EEF2K: variants seen among roughly 807,000 people sequenced by gnomAD.
EEF2K encodes eukaryotic elongation factor 2 kinase.
In EEF2K, 70 loss-of-function variants were observed where a neutral mutation model predicts 93.8. The ratio of observed to expected loss-of-function variants is 0.75; its 90% CI spans 0.62 to 0.91. The LOEUF (loss-of-function observed/expected upper bound fraction) is 0.91, where lower values mean the gene tolerates loss of function less well. Ranked by LOEUF, EEF2K falls within the 40% of genes least tolerant of loss-of-function variation. The probability of loss-of-function intolerance (pLI) is 0.00; values close to 1 mark genes in which losing one functional copy is unlikely to be tolerated. For missense variants in EEF2K, 935 were observed against 972.9 expected, an observed-to-expected ratio of 0.96 and a Z score of 0.52; for synonymous variants, 376 against 380.8, an observed-to-expected ratio of 0.99 and a Z score of 0.15.
At chr16:22,221,302 C>T (rs1035845467) in intron 1 of EEF2K, among the ~76,000 whole-genome samples, 2 of 151,990 alleles carry the variant, frequency 1.3e-5, no homozygotes, top group Non-Finnish European at 2.9e-5. Context: ...GCCTGGCCAA[C>T]ATAGTGAGAC....
At chr16:22,282,928 T>A (rs1444470554) in intron 17 of EEF2K, among the ~76,000 whole-genome samples, 12 of 152,222 alleles carry the variant, frequency 7.9e-5, no homozygotes, top group Admixed American at 3.3e-4. Flanking sequence ...TAACATATAA[T>A]AAACATACTA....
In EEF2K at chr16:22,284,084, G is replaced by A; in HGVS notation, c.*88G>A. 1 of 1,182,558 alleles carries A rather than the reference G, an allele frequency of 8.5e-7. No homozygotes were observed. Among genetic ancestry groups the A allele is most frequent in the Non-Finnish European group, 1.2e-6 (1 of 834,776 alleles). The allele number at this position is 1,182,558 out of a possible 1,614,324, so 73.3% of individuals were successfully genotyped here. A position where few individuals can be genotyped will look rare whatever the true frequency, so the allele number is the denominator to read the frequency against. ...ACAACAACAACTTATTTAGTTTGGG[G>A]AGGGGAAGCATTTTTAAGTGTGTTG... On this transcript the variant is annotated 3_prime_UTR_variant, in exon 18 of 18. Coordinates refer to ENST00000263026, the MANE Select transcript of EEF2K (RefSeq NM_013302.5).
intron 2 of EEF2K, among the ~76,000 whole-genome samples, chr16:22,235,324 G>C (rs942313590): frequency 6.6e-6 from 1 of 151,112 alleles, no homozygotes; most frequent in African/African-American, 2.4e-5. Context: ...TGCTACTGTA[G>C]AATCATGCTA....
intron 17 of EEF2K, 91 bp downstream of exon 17, chr16:22,280,467 A>G (rs1446204169): frequency 7.8e-7 from 1 of 1,280,886 alleles, no homozygotes; most frequent in Non-Finnish European, 1.0e-6. Context: ...TTATGACAAG[A>G]TGACAGGCTG....
chr16:22,223,430 C>G (rs1264123247), intron 1 of EEF2K, among the ~76,000 whole-genome samples: 2 of 152,116 alleles, frequency 1.3e-5, no homozygotes, highest in African/African-American at 4.8e-5. Flanking sequence ...AGGCATGCAC[C>G]ACCACGCCTG....
At chr16:22,208,995 A>G (rs1221886785) in intron 1 of EEF2K, among the ~76,000 whole-genome samples, 1 of 152,126 alleles carries the variant, frequency 6.6e-6, no homozygotes, top group Admixed American at 6.5e-5. Context: ...GGCGACTTTG[A>G]AGGCCTAGAG....
At chr16:22,283,731 C>T (rs763380801) in intron 17 of EEF2K, among the ~76,000 whole-genome samples, 156 bp from the exon 18 acceptor site, 10 of 152,084 alleles carry the variant, frequency 6.6e-5, no homozygotes, top group Non-Finnish European at 8.8e-5. Context: ...ACCTTTAGAG[C>T]CCCGCCCGGA....
chr16:22,222,882 C>CAGAT (rs111997183), intron 1 of EEF2K, among the ~76,000 whole-genome samples: 71,618 of 150,244 alleles, frequency 0.48, 20,779 homozygotes, highest in East Asian at 0.88. Context: ...GACTCCATCT[C>CAGAT]AGATAGATAG....
At chr16:22,208,787 T>C (rs1035683381) in intron 1 of EEF2K, among the ~76,000 whole-genome samples, 6 of 152,152 alleles carry the variant, frequency 3.9e-5, no homozygotes, top group Non-Finnish European at 7.4e-5. Flanking sequence ...TACTGTATTA[T>C]GTGGCAGAGA....
rs1269848401 is a variant in EEF2K at position 22,225,870 on chromosome 16, C to T, written c.141C>T (p.Ser47=). ...TCTGCCCCATCACGGATGACCCAAG[C>T]TCGAACCAGAATGTCAATTCCAAGG... ...YFICPITDDP[S]SNQNVNSKVN... Residue 47 remains serine, a synonymous_variant, in exon 2 of 18, where the codon AGC becomes AGT. Transcript: ENST00000263026. 6.2e-7 allele frequency: 1 copy of T among 1,614,196 alleles called. No individual in the cohort carries two copies. Among genetic ancestry groups the T allele is most frequent in the South Asian group, 1.1e-5 (1 of 91,084 alleles).
At chr16:22,230,830 A>C (rs996564529) in intron 2 of EEF2K, among the ~76,000 whole-genome samples, 6 of 152,224 alleles carry the variant, frequency 3.9e-5, no homozygotes, top group Middle Eastern at 3.4e-3. Context: ...GTCTCATACT[A>C]TGTTGCTTAG....
intron 2 of EEF2K, among the ~76,000 whole-genome samples, chr16:22,242,338 T>G (rs1234054134): frequency 1.3e-5 from 2 of 152,006 alleles, no homozygotes; most frequent in Admixed American, 1.3e-4. Flanking sequence ...CTCTTTTTTT[T>G]GGGTACAGAG....
At chr16:22,256,003 T>A (rs2047394936) in intron 6 of EEF2K, among the ~76,000 whole-genome samples, 1 of 152,036 alleles carries the variant, frequency 6.6e-6, no homozygotes, top group African/African-American at 2.4e-5. Flanking sequence ...AACCTCTGCC[T>A]CCTGGGTTAA....
intron 1 of EEF2K, among the ~76,000 whole-genome samples, chr16:22,224,457 C>A (rs556365277): frequency 6.7e-6 from 1 of 149,032 alleles, no homozygotes; most frequent in South Asian, 2.1e-4. Context: ...ATAGGGAGAC[C>A]CTGTTTTTAC....
At chr16:22,269,726 G>T (rs1287140289) in intron 15 of EEF2K, among the ~76,000 whole-genome samples, 1 of 151,954 alleles carries the variant, frequency 6.6e-6, no homozygotes, top group Non-Finnish European at 1.5e-5. Context: ...TATCTTCAAG[G>T]ACCCTATTTC....
Position 22,250,190 on chromosome 16 carries a change from C to T in EEF2K, c.409-464C>T, listed in dbSNP as rs368305154. ...CCTCCCAAAATTCTGGGATTACAGA[C>T]ATAAGCCGCTGCTCCTGGTGCTGCA... On this transcript the variant is annotated intron_variant, in intron 4 of 17. Transcript: ENST00000263026. Among the ~76,000 whole-genome samples, 14 of 152,290 alleles carry T rather than the reference C, an allele frequency of 9.2e-5. No homozygotes were observed. In the South Asian group the frequency reaches 2.7e-3, roughly 29 times the overall value.
chr16:22,224,408 A>T (rs1019247913), intron 1 of EEF2K, among the ~76,000 whole-genome samples: 6 of 152,112 alleles, frequency 3.9e-5, no homozygotes, highest in Non-Finnish European at 8.8e-5. Flanking sequence ...AGGCAGGAGG[A>T]TCACTTGAGC....
chr16:22,249,081 C>T (rs944386477), intron 4 of EEF2K, among the ~76,000 whole-genome samples: 2 of 150,834 alleles, frequency 1.3e-5, no homozygotes, highest in African/African-American at 2.4e-5. Context: ...GCCATCCTCT[C>T]ACCTTAGCCT....
intron 3 of EEF2K, among the ~76,000 whole-genome samples, chr16:22,247,380 G>A (rs182100123): frequency 7.9e-5 from 12 of 151,124 alleles, no homozygotes; most frequent in African/African-American, 2.7e-4. Flanking sequence ...CCCAAGAAGC[G>A]GAGGTTGTAG....
Sources: gnomAD v4.1 joint callset for allele counts (sites outside exome capture counted in the v4.1 genomes callset) on GRCh38, gnomAD v4.1.1 for gene constraint, MANE v1.5 for transcripts, NCBI Gene and HGNC (gene_info 2026-07-23, HGNC 2026-07-21) for gene names.